TENM2: variants seen among roughly 807,000 people sequenced by gnomAD.
TENM2 encodes the protein teneurin transmembrane protein 2, also known as teneurin-2.
In TENM2, 52 loss-of-function variants were observed where a neutral mutation model predicts 245.2. That is an observed-to-expected ratio of 0.21 (90% confidence interval 0.17 to 0.27). The LOEUF (loss-of-function observed/expected upper bound fraction) is 0.27, where lower values mean the gene tolerates loss of function less well. Among genes scored for constraint, TENM2 ranks in the 10% least tolerant of loss-of-function variants. The pLI is 1.00. For missense variants in TENM2, 3,046 were observed against 3,666.8 expected (o/e 0.83, Z 4.37); for synonymous variants, 1,363 against 1,438.9 (o/e 0.95, Z 1.19).
chr5:168,003,850 A>G (rs2152051848), intron 5 of TENM2, among the ~76,000 whole-genome samples: 1 of 152,350 alleles, frequency 6.6e-6, no homozygotes, highest in South Asian at 2.1e-4. Context: ...TAATGTGTCT[A>G]ATGTCGAACA....
chr5:167,581,496 C>A (rs994733782), intron 2 of TENM2, among the ~76,000 whole-genome samples: 2 of 152,034 alleles, frequency 1.3e-5, no homozygotes, highest in Non-Finnish European at 2.9e-5. Flanking sequence ...AAATGTAAAA[C>A]AACTGTTAGA....
chr5:167,440,539 T>C (rs1276907889), intron 2 of TENM2, among the ~76,000 whole-genome samples: 1 of 152,182 alleles, frequency 6.6e-6, no homozygotes, highest in East Asian at 1.9e-4. Flanking sequence ...ATATATAATG[T>C]CCATAATAAC....
chr5:167,659,581 A>G (rs1755070601), intron 2 of TENM2, among the ~76,000 whole-genome samples: 1 of 152,180 alleles, frequency 6.6e-6, no homozygotes, highest in Non-Finnish European at 1.5e-5. Flanking sequence ...GTTTTATTTC[A>G]GGCATTCCTT....
the TENM2 span, among the ~76,000 whole-genome samples, chr5:167,053,742 G>C: frequency 1.3e-5 from 2 of 152,074 alleles, no homozygotes; most frequent in Non-Finnish European, 2.9e-5. Context: ...TGGAAGTATT[G>C]ATTTTTTCCA....
chr5:167,093,953 G>A, the TENM2 span, among the ~76,000 whole-genome samples: 1 of 152,214 alleles, frequency 6.6e-6, no homozygotes, highest in South Asian at 2.1e-4. Flanking sequence ...GTGGATGACG[G>A]GAAATGCCCT....
intron 2 of TENM2, among the ~76,000 whole-genome samples, chr5:167,444,854 C>T (rs1765070082): frequency 6.6e-6 from 1 of 152,050 alleles, no homozygotes; most frequent in South Asian, 2.1e-4. Flanking sequence ...TAGGAAACGG[C>T]CCCCAAGCAA....
intron 27 of TENM2, among the ~76,000 whole-genome samples, chr5:168,251,337 A>G (rs1767097085): frequency 6.6e-6 from 1 of 152,262 alleles, no homozygotes; most frequent in South Asian, 2.1e-4. Context: ...CTGAATAGCA[A>G]TACTGCTTTT....
the TENM2 span, among the ~76,000 whole-genome samples, chr5:167,001,150 C>T: frequency 2.0e-5 from 3 of 152,014 alleles, no homozygotes; most frequent in Non-Finnish European, 2.9e-5. Context: ...GAAAACCCTC[C>T]TGACTTGATG....
intron 13 of TENM2, among the ~76,000 whole-genome samples, chr5:168,169,489 G>T (rs1340934310): frequency 6.6e-6 from 1 of 152,184 alleles, no homozygotes; most frequent in Non-Finnish European, 1.5e-5. Context: ...ACTGGAGTCT[G>T]TCCAAAGCAC....
At chr5:167,285,661 G>A (rs1771302256) in intron 1 of TENM2, among the ~76,000 whole-genome samples, 1 of 152,132 alleles carries the variant, frequency 6.6e-6, no homozygotes, top group South Asian at 2.1e-4. Flanking sequence ...CACTTCTCCA[G>A]GGTTGCTGTA....
chr5:168,260,213 T>C, intron 27 of TENM2, 70 bp from the exon 30 acceptor site: 1 of 1,568,900 alleles, frequency 6.4e-7, no homozygotes, highest in African/African-American at 1.4e-5. Context: ...TTTTGTTCTC[T>C]CTTTAAGCTC....
chr5:168,154,146 T>TAAAAAAAAAAAAAA (rs1562223601), intron 12 of TENM2, among the ~76,000 whole-genome samples: 1 of 75,752 alleles, frequency 1.3e-5, no homozygotes, highest in African/African-American at 6.0e-5. Context: ...ATCACCTACT[T>TAAAAAAAAAAAAAA]TAAAAAAAAA....
the TENM2 span, among the ~76,000 whole-genome samples, chr5:167,158,846 C>CCCTCCCTT: frequency 1.8e-3 from 151 of 86,062 alleles, 1 homozygote; most frequent in African/African-American, 5.6e-3. Flanking sequence ...TCCATAGCAG[C>CCCTCCCTT]CCTTCCTTCC....
At chr5:167,326,853 A>T (rs1236019814) in intron 1 of TENM2, among the ~76,000 whole-genome samples, 1 of 151,650 alleles carries the variant, frequency 6.6e-6, no homozygotes, top group Non-Finnish European at 1.5e-5. Context: ...CTTTTGAAAG[A>T]TACAATACTG....
At chr5:167,862,893 GA>G (rs545675913) in intron 2 of TENM2, among the ~76,000 whole-genome samples, 47 of 152,354 alleles carry the variant, frequency 3.1e-4, no homozygotes, top group African/African-American at 1.1e-3. Context: ...AGCTGAAGAA[GA>G]GAGCTCGCTG....
chr5:167,749,553 G>A (rs1281862691), intron 2 of TENM2, among the ~76,000 whole-genome samples: 2 of 151,844 alleles, frequency 1.3e-5, no homozygotes, highest in African/African-American at 2.4e-5. Flanking sequence ...CAGGAGAATC[G>A]CTTGAAACCG....
chr5:167,946,717 A>G (rs1779656713), intron 3 of TENM2, among the ~76,000 whole-genome samples: 1 of 152,120 alleles, frequency 6.6e-6, no homozygotes, highest in South Asian at 2.1e-4. Flanking sequence ...TGCCAGCTCT[A>G]CCACTTACTA....
chr5:168,117,867 C>T (rs1049154711), intron 9 of TENM2, among the ~76,000 whole-genome samples: 1 of 152,182 alleles, frequency 6.6e-6, no homozygotes, highest in African/African-American at 2.4e-5. Flanking sequence ...ACGTCAGTGT[C>T]GCTTAGTGAA....
chr5:167,020,345 C>G, the TENM2 span, among the ~76,000 whole-genome samples: 1 of 152,142 alleles, frequency 6.6e-6, no homozygotes, highest in South Asian at 2.1e-4. Context: ...GGAAGAAACT[C>G]AGAATGCTTT....
Sources: allele counts gnomAD v4.1 joint callset (sites outside exome capture counted in the v4.1 genomes callset), GRCh38; gene constraint gnomAD v4.1.1; transcripts MANE v1.5; gene names NCBI Gene and HGNC (gene_info 2026-07-23, HGNC 2026-07-21).